The following TAFA5 variants were observed in gnomAD, a reference collection of about 807,000 sequenced individuals.
TAFA5 encodes chemokine-like protein TAFA-5.
In TAFA5, 6 loss-of-function variants were observed where a neutral mutation model predicts 15.3. The ratio of observed to expected loss-of-function variants is 0.39; its 90% CI spans 0.21 to 0.77. TAFA5 has a LOEUF of 0.77. Ranked by LOEUF, TAFA5 falls within the 30% of genes least tolerant of loss-of-function variation. The pLI, the probability that TAFA5 is intolerant of heterozygous loss-of-function variation, is 0.41. For synonymous variants in TAFA5, 103 were observed against 80.7 expected (o/e 1.28, Z -1.48); for missense variants, 161 against 193.1 (o/e 0.83, Z 0.98).
chr22:48,653,420 A>G (rs1927126270), intron 2 of TAFA5, among the ~76,000 whole-genome samples: 1 of 152,228 alleles, frequency 6.6e-6, no homozygotes, highest in Non-Finnish European at 1.5e-5. Flanking sequence ...AGGGCAGGGC[A>G]GGTGTGTCTG....
chr22:48,563,509 C>A (rs928340601), intron 1 of TAFA5, among the ~76,000 whole-genome samples: 5 of 152,222 alleles, frequency 3.3e-5, no homozygotes, highest in African/African-American at 1.2e-4. Flanking sequence ...CTCCTCTTGT[C>A]TCTATATGGG....
chr22:48,649,322 G>A (rs548023561), intron 2 of TAFA5, among the ~76,000 whole-genome samples: 4 of 152,286 alleles, frequency 2.6e-5, no homozygotes, highest in Admixed American at 6.5e-5. Flanking sequence ...CTGGCCCTCC[G>A]GCCACCAGCC....
At position 48,490,809 on chromosome 22, in the gene TAFA5, C is replaced by T. The variant is rs1435824134; in HGVS notation, c.112+1105C>T. ...AAAAAAAAAAAGGCCAGCACCGAAC[C>T]TCCCTCCACAGACACCACCTCCTCC... is the stretch of plus-strand genomic sequence containing the variant. On this transcript the variant is annotated intron_variant, in intron 1 of 3. Coordinates refer to ENST00000402357, the MANE Select transcript of TAFA5 (RefSeq NM_001082967.3). The surrounding 1 kb of genome is among the most constrained non-coding windows in gnomAD (Gnocchi z 5.8). Among the ~76,000 whole-genome samples, 1 of 120,282 alleles carries T rather than the reference C, an allele frequency of 8.3e-6. No individual in the cohort carries two copies. The highest frequency in any genetic ancestry group is 1.7e-5 in the Non-Finnish European group (1 of 60,216). 78.9% of individuals were successfully genotyped at this position (120,282 alleles called of 152,430 possible). A position where few individuals can be genotyped will look rare whatever the true frequency, so the allele number is the denominator to read the frequency against.
chr22:48,558,983 C>T (rs141410313), intron 1 of TAFA5, among the ~76,000 whole-genome samples: 185 of 152,306 alleles, frequency 1.2e-3, no homozygotes, highest in African/African-American at 4.1e-3. Context: ...AGGCCCAGGG[C>T]GATGGCATTT....
At chr22:48,729,397 C>A (rs957420508) in intron 3 of TAFA5, among the ~76,000 whole-genome samples, 14 of 125,706 alleles carry the variant, frequency 1.1e-4, no homozygotes, top group African/African-American at 2.9e-4. Context: ...ATATAATAGT[C>A]ATAAATATAT....
chr22:48,596,410 C>T (rs987456882), intron 1 of TAFA5, among the ~76,000 whole-genome samples: 1 of 152,190 alleles, frequency 6.6e-6, no homozygotes, highest in Non-Finnish European at 1.5e-5. Flanking sequence ...CGCTCCTCAG[C>T]GCAGCACATT....
chr22:48,541,070 C>A (rs1018210080), intron 1 of TAFA5, among the ~76,000 whole-genome samples: 3 of 152,076 alleles, frequency 2.0e-5, no homozygotes, highest in Non-Finnish European at 4.4e-5. Context: ...GGAGTCAGGG[C>A]TGGGAGTGAA....
intron 2 of TAFA5, among the ~76,000 whole-genome samples, chr22:48,694,938 C>T (rs1260524203): frequency 2.7e-5 from 4 of 150,806 alleles, no homozygotes; most frequent in African/African-American, 9.8e-5. Flanking sequence ...TGCTGCCTCC[C>T]ATCGGGCAGA....
At chr22:48,578,158 A>T (rs1601590765) in intron 1 of TAFA5, among the ~76,000 whole-genome samples, 1 of 152,076 alleles carries the variant, frequency 6.6e-6, no homozygotes, top group African/African-American at 2.4e-5. Flanking sequence ...TGGCTTGCGG[A>T]AAGGGCGTGT....
chr22:48,507,871 G>A (rs1921057743), intron 1 of TAFA5, among the ~76,000 whole-genome samples: 2 of 152,148 alleles, frequency 1.3e-5, no homozygotes, highest in Non-Finnish European at 2.9e-5. Context: ...AGGAAGCTGG[G>A]GGTTCCCTTT....
intron 2 of TAFA5, among the ~76,000 whole-genome samples, chr22:48,673,732 G>A (rs1378635482): frequency 6.6e-6 from 1 of 152,204 alleles, no homozygotes; most frequent in East Asian, 1.9e-4. Context: ...GAGGGAGGGT[G>A]GAAGGTGAAG....
At position 48,550,106 on chromosome 22, in the gene TAFA5, C is replaced by G. The variant is rs1370229259; in HGVS notation, c.112+60402C>G. On this transcript the variant is annotated intron_variant, in intron 1 of 3. Coordinates refer to ENST00000402357, the MANE Select transcript of TAFA5 (RefSeq NM_001082967.3). The surrounding 1 kb of genome is among the most constrained non-coding windows in gnomAD (Gnocchi z 4.1). Reference sequence around the variant, plus strand: ...TGGCAAAGCTGGCCTGTATCAGAAGCTGGGAACTTTGGGGTATGCTGGGCA... The same window carrying G: ...TGGCAAAGCTGGCCTGTATCAGAAGGTGGGAACTTTGGGGTATGCTGGGCA... 1.3e-5 allele frequency among the ~76,000 whole-genome samples: 2 copies of G among 152,226 alleles called. No homozygotes were observed. The highest frequency in any genetic ancestry group is 1.5e-5 in the Non-Finnish European group (1 of 68,040).
intron 3 of TAFA5, 24 bp from the exon 4 acceptor site, chr22:48,749,815 C>T: frequency 6.4e-7 from 1 of 1,555,432 alleles, no homozygotes; most frequent in Non-Finnish European, 8.7e-7. Flanking sequence ...GGAGGCTCAC[C>T]CTCTCTCTCT....
intron 3 of TAFA5, among the ~76,000 whole-genome samples, chr22:48,735,583 A>T (rs1021404569): frequency 2.6e-5 from 4 of 152,196 alleles, no homozygotes; most frequent in African/African-American, 7.2e-5. Context: ...AGGAATGAAG[A>T]TCCGCCAGTC....
At position 48,571,574 on chromosome 22, in the gene TAFA5, G is replaced by GTTTTTTTTT. The variant is rs57578802; in HGVS notation, c.113-74999_113-74991dup. On this transcript the variant is annotated intron_variant, in intron 1 of 3. Coordinates refer to ENST00000402357, the MANE Select transcript of TAFA5 (RefSeq NM_001082967.3). ...AGGCATGAGCCACTGTGCCTGGCCT[G>GTTTTTTTTT]TTTTTTTTTTTTTTTTTTTTTTTTT... Among the ~76,000 whole-genome samples the GTTTTTTTTT allele has an allele frequency of 1.7e-4, 5 of 29,240 alleles. 1 individual carries two copies. Among genetic ancestry groups the GTTTTTTTTT allele is most frequent in the African/African-American group, 3.4e-4 (3 of 8,830 alleles). 19.2% of individuals were successfully genotyped at this position (29,240 alleles called of 152,430 possible).
chr22:48,614,760 G>A (rs1381072190), intron 1 of TAFA5, among the ~76,000 whole-genome samples: 1 of 152,204 alleles, frequency 6.6e-6, no homozygotes, highest in Admixed American at 6.5e-5. Context: ...CCTGTTGACC[G>A]AGAGCTTCGT....
intron 3 of TAFA5, among the ~76,000 whole-genome samples, chr22:48,724,126 CAGT>C (rs1167620051): frequency 1.3e-5 from 2 of 151,356 alleles, no homozygotes; most frequent in African/African-American, 4.9e-5. Context: ...TGCATTGCTG[CAGT>C]AGGAGAGACT....
intron 1 of TAFA5, among the ~76,000 whole-genome samples, chr22:48,597,613 C>T (rs941425683): frequency 6.6e-5 from 10 of 151,378 alleles, no homozygotes; most frequent in African/African-American, 9.7e-5. Flanking sequence ...GTTTCCCTGC[C>T]GTTCCCCTCT....
intron 1 of TAFA5, among the ~76,000 whole-genome samples, chr22:48,626,532 G>A (rs1017752434): frequency 2.6e-5 from 4 of 152,118 alleles, no homozygotes; most frequent in African/African-American, 7.2e-5. Flanking sequence ...TAATTGGGTC[G>A]TCTGTGCTCG....
Sources: allele counts gnomAD v4.1 joint callset (sites outside exome capture counted in the v4.1 genomes callset), GRCh38; gene constraint gnomAD v4.1.1; non-coding constraint Gnocchi (gnomAD v3.1); transcripts MANE v1.5; gene names NCBI Gene and HGNC (gene_info 2026-07-23, HGNC 2026-07-21).